The following IZUMO1 variants were observed in gnomAD, a reference collection of about 807,000 sequenced individuals.
The protein encoded by IZUMO1 is izumo sperm-oocyte fusion 1, also known as izumo sperm-egg fusion protein 1.
A neutral mutation model predicts 40.7 loss-of-function variants in IZUMO1; 44 were observed. The observed-to-expected ratio is 1.08, with a 90% CI of 0.85 to 1.39. The LOEUF (loss-of-function observed/expected upper bound fraction) is 1.39, where lower values mean the gene tolerates loss of function less well. Among genes scored for constraint, IZUMO1 ranks in the 40% most tolerant of loss-of-function variants. The pLI is 0.00. For missense variants in IZUMO1, 368 were observed against 436.9 expected (o/e 0.84, Z 1.41); for synonymous variants, 149 against 170.9 (o/e 0.87, Z 1.00).
chr19:48,741,087 G>A lies in IZUMO1; in HGVS notation c.933-59C>T. On this transcript the variant is annotated intron_variant, in intron 9 of 9. Coordinates refer to ENST00000332955, the MANE Select transcript of IZUMO1 (RefSeq NM_182575.3). This position sits in a 1 kb window ranked among gnomAD's most constrained non-coding sequence, Gnocchi z 4.4. Reference sequence around the variant, plus strand: ...CGGTTTGGGTACTAATTGTGTGGGGGACACCCCTCCCAACCTCCCCCTTTG... The same window carrying A: ...CGGTTTGGGTACTAATTGTGTGGGGAACACCCCTCCCAACCTCCCCCTTTG... The A allele has an allele frequency of 6.2e-7, 1 of 1,604,256 alleles. No individual in the cohort carries two copies. Among genetic ancestry groups the A allele is most frequent in the Non-Finnish European group, 8.5e-7 (1 of 1,173,752 alleles).
intron 4 of IZUMO1, 69 bp from the exon 5 acceptor site, chr19:48,744,264 TG>T: frequency 6.7e-7 from 1 of 1,482,000 alleles, no homozygotes; most frequent in Non-Finnish European, 9.4e-7. Context: ...TGAAAGACGA[TG>T]GAAGAGGGGG....
intron 3 of IZUMO1, 99 bp downstream of exon 3, chr19:48,745,115 G>A: frequency 2.1e-6 from 2 of 969,588 alleles, no homozygotes; most frequent in South Asian, 1.4e-5. Flanking sequence ...GAATCTAGGC[G>A]GTCTGGGTCC....
At position 48,745,646 on chromosome 19, in the gene IZUMO1, C is replaced by T. The variant is rs747353047; in HGVS notation, c.214G>A (p.Asp72Asn). 3.0e-5 allele frequency: 49 copies of T among 1,614,062 alleles called. No individual in the cohort carries two copies. In the East Asian group the frequency reaches 7.1e-4, roughly 23 times the overall value. ...TCACCAACGACCCCCATATAGGCAT[C>T]CTCATTAAGCGACAGTTCCTGGAAA... ...KDFQELSLNE[D>N]AYMGVVDEAT... Residue 72 changes from aspartate (D) to asparagine (N), a missense_variant, in exon 2 of 10, where the codon GAT becomes AAT. By Grantham distance (23) the Asp-to-Asn change is conservative. Transcript: ENST00000332955.
In IZUMO1 at chr19:48,746,716, A is replaced by G. The variant is rs1318871870; in HGVS notation, c.-355T>C. The G allele has an allele frequency of 3.0e-6, 3 of 985,374 alleles. No individual in the cohort carries two copies. Among genetic ancestry groups the G allele is most frequent in the Non-Finnish European group, 3.6e-6 (3 of 829,946 alleles). The allele number at this position is 985,374 out of a possible 1,614,324, so 61.0% of individuals were successfully genotyped here. A position where few individuals can be genotyped will look rare whatever the true frequency, so the allele number is the denominator to read the frequency against. On this transcript the variant is annotated 5_prime_UTR_variant, in exon 1 of 10. It removes an upstream start codon present in the reference 5' UTR. Coordinates refer to ENST00000332955, the MANE Select transcript of IZUMO1 (RefSeq NM_182575.3). ...GGCTTTTAAAGAGGAAGCCGGGGTC[A>G]TGACCACCTACGCTAATTTTCCCAG... is the stretch of plus-strand genomic sequence containing the variant.
chr19:48,744,393 C>A (rs948247338), intron 4 of IZUMO1, 60 bp downstream of exon 4: 42 of 1,380,334 alleles, frequency 3.0e-5, no homozygotes, highest in Non-Finnish European at 4.2e-5. Flanking sequence ...GGGCTGGAGA[C>A]AAGGACTCTT....
chr19:48,743,631 G>A, intron 5 of IZUMO1, 106 bp from the exon 6 acceptor site: 1 of 859,874 alleles, frequency 1.2e-6, no homozygotes, highest in Non-Finnish European at 1.9e-6. Context: ...ATTCCTAGAT[G>A]GTCAGACGAA....
At chr19:48,746,377 C>T (rs1281496584) in intron 1 of IZUMO1, 58 bp downstream of exon 1, 2 of 999,362 alleles carry the variant, frequency 2.0e-6, no homozygotes, top group Non-Finnish European at 2.4e-6. Context: ...AAACATCTAA[C>T]ACAGACCCAA....
rs763699490 is a variant in IZUMO1, at chr19:48,741,746, T to C, written c.754+43A>G. 1.1e-5 allele frequency: 17 copies of C among 1,515,232 alleles called. No individual in the cohort carries two copies. Among genetic ancestry groups the C allele is most frequent in the South Asian group, 5.3e-5 (4 of 75,772 alleles). The allele number at this position is 1,515,232 out of a possible 1,614,324, so 93.9% of individuals were successfully genotyped here. On this transcript the variant is annotated intron_variant, in intron 8 of 9. Transcript: ENST00000332955. This position sits in a 1 kb window ranked among gnomAD's most constrained non-coding sequence, Gnocchi z 4.4. ...CCCCCGCCGCGGACCCCAGCTTTCC[T>C]GGGCCCTGAATCCTACACTTCTCTC...
In IZUMO1 at chr19:48,741,070, G is replaced by A. The variant is rs1160186112; in HGVS notation, c.933-42C>T. 6.2e-7 allele frequency: 1 copy of A among 1,610,630 alleles called. No individual in the cohort carries two copies. The highest frequency in any genetic ancestry group is 1.1e-5 in the South Asian group (1 of 90,944). ...GGTGCAGATCATGGAACCGGTTTGG[G>A]TACTAATTGTGTGGGGGACACCCCT... is the stretch of plus-strand genomic sequence containing the variant. On this transcript the variant is annotated intron_variant, in intron 9 of 9. Coordinates refer to ENST00000332955, the MANE Select transcript of IZUMO1 (RefSeq NM_182575.3). This position sits in a 1 kb window ranked among gnomAD's most constrained non-coding sequence, Gnocchi z 4.4.
chr19:48,745,382 A>G (rs1207221522), intron 2 of IZUMO1, 94 bp from the exon 3 acceptor site: 1 of 1,233,692 alleles, frequency 8.1e-7, no homozygotes, highest in African/African-American at 1.5e-5. Context: ...CCACTGGGCA[A>G]AGATAGGCCT....
In IZUMO1 at chr19:48,745,278, T is replaced by C. The variant is rs751454693; in HGVS notation, c.246A>G (p.Thr82=). Residue 82 remains threonine (T), a synonymous_variant, in exon 3 of 10, where the codon ACA becomes ACG. Coordinates refer to ENST00000332955, the MANE Select transcript of IZUMO1 (RefSeq NM_182575.3). ...GCAAACTCCAGGACCCCTTTTGCAG[T>C]GTGGCCTCATCTGTCAGAGGAGATA... is the stretch of plus-strand genomic sequence containing the variant. The part of the protein sequence containing the change: ...DAYMGVVDEA[T]LQKGSWSLLK... 4 of 1,613,842 alleles carry C rather than the reference T, an allele frequency of 2.5e-6. No homozygotes were observed. In the Admixed American group the frequency reaches 6.7e-5, roughly 27 times the overall value.
At chr19:48,744,278 G>T in intron 4 of IZUMO1, 83 bp from the exon 5 acceptor site, 1 of 1,438,136 alleles carries the variant, frequency 7.0e-7, no homozygotes, top group South Asian at 1.1e-5. Flanking sequence ...AGAGGGGGTT[G>T]GGGGAAGAGC....
rs577330049 is a variant in IZUMO1 at position 48,742,656 on chromosome 19, G to A, written c.500-347C>T. ...AGGCACTGCGCCGGGCCTCCTTCAC[G>A]GTTCTTTACCCTCCCCTAATCCTTT... On this transcript the variant is annotated intron_variant, in intron 6 of 9. Transcript: ENST00000332955. 4.6e-5 allele frequency among the ~76,000 whole-genome samples: 7 copies of A among 150,616 alleles called. No individual in the cohort carries two copies. In the East Asian group the frequency reaches 6.0e-4, roughly 13 times the overall value.
In IZUMO1 at chr19:48,741,882, G is replaced by A. The variant is rs141642542; in HGVS notation, c.661C>T (p.Pro221Ser). Residue 221 changes from proline (P) to serine (S), a missense_variant, in exon 8 of 10, where the codon CCC becomes TCC. Transcript: ENST00000332955. The surrounding 1 kb of genome is among the most constrained non-coding windows in gnomAD (Gnocchi z 4.4). ...CCTGCATCCTCTGGACCCACCATGG[G>A]CTTGGTCAGGGTGGCCTCTTTCCCC... ...SKGKEATLTK[P>S]MVGPEDAGSY... The A allele has an allele frequency of 6.2e-7, 1 of 1,612,366 alleles. No homozygotes were observed.
chr19:48,741,618 C>A lies in IZUMO1; in HGVS notation c.755-140G>T, dbSNP rs2033694811. 8.0e-7 allele frequency: 1 copy of A among 1,249,558 alleles called. No homozygotes were observed. The highest frequency in any genetic ancestry group is 1.1e-6 in the Non-Finnish European group (1 of 910,162). 77.4% of individuals were successfully genotyped at this position (1,249,558 alleles called of 1,614,324 possible). On this transcript the variant is annotated intron_variant, in intron 8 of 9. Coordinates refer to ENST00000332955, the MANE Select transcript of IZUMO1 (RefSeq NM_182575.3). This position sits in a 1 kb window ranked among gnomAD's most constrained non-coding sequence, Gnocchi z 4.4. ...TCAAGCCTGAACACACCCAAGGGAA[C>A]CCCTGTCCTCGGGGCCAGAGGCCAC...
intron 5 of IZUMO1, 34 bp downstream of exon 5, chr19:48,744,141 A>G (rs201240893): frequency 1.2e-6 from 2 of 1,602,496 alleles, no homozygotes; most frequent in Non-Finnish European, 1.7e-6. Context: ...TTCAGAGGGC[A>G]GGATGAGGGT....
rs1487436057 is a variant in IZUMO1 at position 48,741,187 on chromosome 19, A to G, written c.932+114T>C. 1 of 1,435,846 alleles carries G rather than the reference A, an allele frequency of 7.0e-7. No homozygotes were observed. The highest frequency in any genetic ancestry group is 9.3e-7 in the Non-Finnish European group (1 of 1,072,748). The allele number at this position is 1,435,846 out of a possible 1,614,324, so 88.9% of individuals were successfully genotyped here. Reference sequence around the variant, plus strand: ...TTCAAGCCCCCCGCACTCCATCCCCAGGAAAGTCCTGCTCTCAGGCCTCAG... The same window carrying G: ...TTCAAGCCCCCCGCACTCCATCCCCGGGAAAGTCCTGCTCTCAGGCCTCAG... On this transcript the variant is annotated intron_variant, in intron 9 of 9. Coordinates refer to ENST00000332955, the MANE Select transcript of IZUMO1 (RefSeq NM_182575.3). This position sits in a 1 kb window ranked among gnomAD's most constrained non-coding sequence, Gnocchi z 4.4.
At chr19:48,745,470 A>T in intron 2 of IZUMO1, 155 bp downstream of exon 2, 1 of 1,069,236 alleles carries the variant, frequency 9.4e-7, no homozygotes, top group Non-Finnish European at 1.4e-6. Flanking sequence ...GGATAGGGAA[A>T]ACGGTATTTA....
chr19:48,742,107 C>A, intron 7 of IZUMO1, 102 bp downstream of exon 7: 3 of 1,478,080 alleles, frequency 2.0e-6, no homozygotes, highest in South Asian at 2.4e-5. Flanking sequence ...CCTAATAGAC[C>A]ACCCTCCTGG....
Sources: gnomAD v4.1 joint callset for allele counts (sites outside exome capture counted in the v4.1 genomes callset) on GRCh38, gnomAD v4.1.1 for gene constraint, Gnocchi (gnomAD v3.1) non-coding constraint, MANE v1.5 for transcripts, NCBI Gene and HGNC (gene_info 2026-07-23, HGNC 2026-07-21) for gene names.